SUN1: variants seen among roughly 807,000 people sequenced by gnomAD.
SUN1 encodes the protein SUN domain-containing protein 1.
SUN1 carries 61 observed loss-of-function variants against 103.2 expected under a neutral mutation model. The observed-to-expected ratio is 0.59, with a 90% CI of 0.48 to 0.73. The LOEUF is 0.73. SUN1 is among the 30% of genes least tolerant of loss of function. SUN1 has a pLI of 0.00. For missense variants in SUN1, 1,052 were observed against 1,034.6 expected (o/e 1.02, Z -0.23); for synonymous variants, 490 against 425.7 (o/e 1.15, Z -1.86).
chr7:859,840 G>T (rs753341154), intron 13 of SUN1, among the ~76,000 whole-genome samples: 1 of 152,156 alleles, frequency 6.6e-6, no homozygotes, highest in African/African-American at 2.4e-5. Flanking sequence ...GGTGCTTGCG[G>T]GATGGACACG....
chr7:848,280 C>A, intron 5 of SUN1: 2 of 738,236 alleles, frequency 2.7e-6, no homozygotes, highest in Non-Finnish European at 4.0e-6. Flanking sequence ...CCACTGCCAG[C>A]TGGGCTCTTC....
intron 13 of SUN1, among the ~76,000 whole-genome samples, chr7:859,011 G>GGT (rs922848330): frequency 2.6e-5 from 4 of 152,048 alleles, no homozygotes; most frequent in Non-Finnish European, 4.4e-5. Context: ...AAATTAGCCG[G>GGT]GTGTGGTGGT....
rs1431278849 is a variant in SUN1, at chr7:874,748, AATTTATTTT to A, written c.*1418_*1426del. The A allele has an allele frequency of 6.6e-6, 1 of 151,974 alleles. No individual in the cohort carries two copies. Among genetic ancestry groups the A allele is most frequent in the Non-Finnish European group, 1.5e-5 (1 of 67,982 alleles). 9.4% of individuals were successfully genotyped at this position (151,974 alleles called of 1,614,324 possible). ...TTGGGGTGGAAATATTTTGAATATT[AATTTATTTT>A]TAAAGATGCAAGATAGGACTTTGTG... is the stretch of plus-strand genomic sequence containing the variant. On this transcript the variant is annotated 3_prime_UTR_variant, in exon 19 of 19. Coordinates refer to ENST00000401592, the MANE Select transcript of SUN1 (RefSeq NM_001130965.3).
chr7:849,636 G>A (rs1295231734), intron 5 of SUN1: 2 of 1,530,392 alleles, frequency 1.3e-6, no homozygotes, highest in Admixed American at 1.7e-5. Context: ...GTGGGCGTCG[G>A]TCGTGGAGTT....
intron 3 of SUN1, chr7:842,906 G>A (rs76550570): frequency 0.13 from 67,948 of 532,574 alleles, 5,093 homozygotes; most frequent in South Asian, 0.22. Flanking sequence ...CTTGCTGAGC[G>A]GGCTGTGAGA....
At chr7:832,182 C>A, upstream of SUN1, 2 of 812,576 alleles carry the variant, frequency 2.5e-6, no homozygotes, top group Non-Finnish European at 3.2e-6. Context: ...TTTAAAAACA[C>A]ATCTTGAAGA....
At chr7:872,953 GGCGCA>G (rs1298784810) in intron 18 of SUN1, among the ~76,000 whole-genome samples, 2 of 152,226 alleles carry the variant, frequency 1.3e-5, no homozygotes, top group Non-Finnish European at 2.9e-5. Context: ...TGGGCGTGGT[GGCGCA>G]CGCCTGTAAT....
intron 13 of SUN1, 44 bp downstream of exon 13, chr7:858,001 A>G: frequency 6.6e-7 from 1 of 1,509,452 alleles, no homozygotes; most frequent in Non-Finnish European, 8.9e-7. Flanking sequence ...AATAGAAAGT[A>G]AAAGAAAACT....
chr7:872,798 T>C (rs559360970), intron 18 of SUN1, among the ~76,000 whole-genome samples: 283 of 152,294 alleles, frequency 1.9e-3, no homozygotes, highest in Non-Finnish European at 3.2e-3. Context: ...ATTTAAAAAG[T>C]TAACTTCCAG....
chr7:847,503 C>T (rs1817327608), intron 5 of SUN1, among the ~76,000 whole-genome samples: 1 of 104,298 alleles, frequency 9.6e-6, no homozygotes, highest in Non-Finnish European at 2.1e-5. Flanking sequence ...GCGCCGTGCG[C>T]CAGCGGAGTT....
chr7:843,578 C>G (rs763935702), intron 5 of SUN1, 58 bp downstream of exon 5: 2 of 1,613,390 alleles, frequency 1.2e-6, no homozygotes, highest in South Asian at 2.2e-5. Flanking sequence ...TTAATATTTC[C>G]TTTCTGTAAG....
At chr7:869,152 A>G in intron 16 of SUN1, 197 bp from the exon 17 acceptor site, 1 of 655,182 alleles carries the variant, frequency 1.5e-6, no homozygotes, top group Non-Finnish European at 2.6e-6. Flanking sequence ...TTTATACAAC[A>G]TATGGGTTGG....
chr7:834,911 A>G (rs1801524835), intron 1 of SUN1, among the ~76,000 whole-genome samples: 1 of 152,082 alleles, frequency 6.6e-6, no homozygotes, highest in African/African-American at 2.4e-5. Flanking sequence ...CCCCGTCTCT[A>G]CTAAAAATAC....
Position 824,870 on chromosome 7 carries a change from G to A in SUN1, c.-74+8197G>A, listed in dbSNP as rs1047563905. 3.1e-4 allele frequency among the ~76,000 whole-genome samples: 47 copies of A among 152,066 alleles called. 1 individual carries two copies. Among genetic ancestry groups the A allele is most frequent in the African/African-American group, 2.7e-4 (11 of 41,398 alleles). On this transcript the variant is annotated intron_variant, in intron 1 of 17. Transcript: ENST00000389574. The stretch of plus-strand genomic sequence containing the variant: ...AGAGCAGGGCGGGTGCGGGGTGGGG[G>A]CGTCCGCTGGCTGGGTGCTCCAGGG...
chr7:866,966 T>C (rs1425427682), intron 16 of SUN1, among the ~76,000 whole-genome samples: 1 of 152,170 alleles, frequency 6.6e-6, no homozygotes, highest in Non-Finnish European at 1.5e-5. Context: ...TCCTGCCTCA[T>C]ATTCATGACA....
chr7:851,832 C>T (rs984092137), intron 6 of SUN1, 118 bp from the exon 7 acceptor site: 11 of 1,081,456 alleles, frequency 1.0e-5, no homozygotes, highest in Non-Finnish European at 1.5e-5. Flanking sequence ...CACCGAACTT[C>T]TTCACCTCCA....
intron 1 of SUN1, among the ~76,000 whole-genome samples, chr7:819,192 CTT>C (rs57527104): frequency 9.4e-5 from 13 of 138,714 alleles, no homozygotes; most frequent in East Asian, 2.1e-4. Flanking sequence ...TGGGTTGCCT[CTT>C]TTTTTTTTTT....
At chr7:845,951 C>T (rs1815190907) in intron 5 of SUN1, among the ~76,000 whole-genome samples, 1 of 152,136 alleles carries the variant, frequency 6.6e-6, no homozygotes, top group South Asian at 2.1e-4. Flanking sequence ...TGCTGCGTGG[C>T]TGTCCCGGGG....
chr7:841,014 A>G (rs1282053899), intron 2 of SUN1, among the ~76,000 whole-genome samples: 2 of 150,746 alleles, frequency 1.3e-5, no homozygotes, highest in Non-Finnish European at 2.9e-5. Flanking sequence ...GCTCACCGCA[A>G]CCTCTGCCTT....
Sources: allele counts gnomAD v4.1 joint callset (sites outside exome capture counted in the v4.1 genomes callset), GRCh38; gene constraint gnomAD v4.1.1; transcripts MANE v1.5; gene names NCBI Gene and HGNC (gene_info 2026-07-23, HGNC 2026-07-21).